Variants in CARS1 observed in about 807,000 individuals in gnomAD.
The protein encoded by CARS1 is cysteine--tRNA ligase, cytoplasmic.
Under a neutral mutation model 106.2 loss-of-function variants are expected in CARS1, and 48 were observed. The observed-to-expected ratio is 0.45, with a 90% confidence interval of 0.36 to 0.57. The LOEUF is 0.57. CARS1 is among the 20% of genes least tolerant of loss of function. The probability of loss-of-function intolerance (pLI) is 0.00; values close to 1 mark genes in which losing one functional copy is unlikely to be tolerated. For synonymous variants in CARS1, 409 were observed against 403.4 expected, an observed-to-expected ratio of 1.01 and a Z score of -0.17; for missense variants, 968 against 1,057.2, an observed-to-expected ratio of 0.92 and a Z score of 1.17.
At chr11:3,012,125 G>A (rs980559465) in intron 18 of CARS1, 70 bp downstream of exon 18, 1 of 1,378,520 alleles carries the variant, frequency 7.3e-7, no homozygotes, top group African/African-American at 1.4e-5. Flanking sequence ...GTGCCTCGGG[G>A]GAGACGCCCG....
rs948620744 is a variant in CARS1, at chr11:3,045,771, G to A, written c.274+1982C>T. 2.0e-5 allele frequency among the ~76,000 whole-genome samples: 3 copies of A among 152,226 alleles called. No homozygotes were observed. The highest frequency in any genetic ancestry group is 4.4e-5 in the Non-Finnish European group (3 of 68,026). On this transcript the variant is annotated intron_variant, in intron 2 of 22. Transcript: ENST00000380525. This position sits in a 1 kb window ranked among gnomAD's most constrained non-coding sequence, Gnocchi z 5.6. ...GAAGGTGCATGCTTGGGGAGTATGA[G>A]CCATGGAAAGAGAGGGCGTTCCCAC...
chr11:3,013,423 AT>A (rs1415194804), intron 17 of CARS1, among the ~76,000 whole-genome samples: 1 of 151,910 alleles, frequency 6.6e-6, no homozygotes, highest in Non-Finnish European at 1.5e-5. Context: ...AAGTGCTGGG[AT>A]TACAGGCGTG....
chr11:3,035,825 T>C (rs938984224), intron 7 of CARS1, among the ~76,000 whole-genome samples: 1 of 152,198 alleles, frequency 6.6e-6, no homozygotes, highest in Non-Finnish European at 1.5e-5. Context: ...AAGATAAAAG[T>C]GAGCCTAGAA....
chr11:3,002,208 AG>A, intron 21 of CARS1, 155 bp from the exon 22 acceptor site: 1 of 688,458 alleles, frequency 1.5e-6, no homozygotes, highest in Non-Finnish European at 2.6e-6. Flanking sequence ...GCCAAGGTGG[AG>A]GGAACATACA....
rs537187661 is a variant in CARS1, at chr11:3,037,895, G to A, written c.801+155C>T. On this transcript the variant is annotated intron_variant, in intron 7 of 22. Coordinates refer to ENST00000380525, the MANE Select transcript of CARS1 (RefSeq NM_001014437.3). The surrounding 1 kb of genome is among the most constrained non-coding windows in gnomAD (Gnocchi z 5.9). ...GGGGAGGGGCACTGACTCAGCCACC[G>A]CAGAACAGGGCCGCCTGCCACAGTG... Among the ~76,000 whole-genome samples the A allele has an allele frequency of 4.6e-5, 7 of 152,184 alleles. No homozygotes were observed. The highest frequency in any genetic ancestry group is 1.4e-4 in the African/African-American group (6 of 41,452).
At position 3,039,083 on chromosome 11, in the gene CARS1, C is replaced by G; in HGVS notation, c.651+111G>C. The G allele has an allele frequency of 2.8e-6, 2 of 702,878 alleles. No individual in the cohort carries two copies. The highest frequency in any genetic ancestry group is 4.9e-6 in the Non-Finnish European group (2 of 406,650). The allele number at this position is 702,878 out of a possible 1,614,324, so 43.5% of individuals were successfully genotyped here. On this transcript the variant is annotated intron_variant, in intron 6 of 22. Transcript: ENST00000380525. The surrounding 1 kb of genome is among the most constrained non-coding windows in gnomAD (Gnocchi z 5.6). ...TGACGGAACTGGCTTGAGTAACATA[C>G]ACTTTGTGAAAGCCTGTGAGACTGA...
At position 3,039,857 on chromosome 11, in the gene CARS1, T is replaced by C. The variant is rs762806823; in HGVS notation, c.530A>G (p.Asn177Ser). 1.9e-6 allele frequency: 3 copies of C among 1,565,138 alleles called. No individual in the cohort carries two copies. Among genetic ancestry groups the C allele is most frequent in the Non-Finnish European group, 2.6e-6 (3 of 1,146,252 alleles). The change falls in exon 5 of 23, where the codon AAC becomes AGC. Residue 177 changes from asparagine (N) to serine (S), a missense_variant. Asn to Ser is a conservative substitution (Grantham distance 46). Coordinates refer to ENST00000380525, the MANE Select transcript of CARS1 (RefSeq NM_001014437.3). This position sits in a 1 kb window ranked among gnomAD's most constrained non-coding sequence, Gnocchi z 5.6. ...YFKFDVFYCM[N>S]ITDIDDKIIK... ...TACCTTGTCATCAATATCCGTAATG[T>C]TCATGCAATAAAAGACATCAAATTT...
chr11:3,042,411 A>C, intron 2 of CARS1, 155 bp from the exon 3 acceptor site: 1 of 584,300 alleles, frequency 1.7e-6, no homozygotes, highest in Non-Finnish European at 3.0e-6. Flanking sequence ...AACATTACGC[A>C]GGTCAAAGAC....
chr11:3,033,653 GA>G, intron 7 of CARS1, among the ~76,000 whole-genome samples: 1 of 151,998 alleles, frequency 6.6e-6, no homozygotes, highest in East Asian at 1.9e-4. Flanking sequence ...ATGAGACAAA[GA>G]AAAACAGAAT....
At chr11:3,054,559 A>G (rs1165146104) in intron 1 of CARS1, among the ~76,000 whole-genome samples, 4 of 152,242 alleles carry the variant, frequency 2.6e-5, no homozygotes, top group Non-Finnish European at 4.4e-5. Flanking sequence ...GTGAGTCTGA[A>G]GAGAATCATC....
chr11:3,041,130 C>A lies in CARS1; in HGVS notation c.367-146G>T. 7.3e-7 allele frequency: 1 copy of A among 1,379,064 alleles called. No homozygotes were observed. Among genetic ancestry groups the A allele is most frequent in the Non-Finnish European group, 9.9e-7 (1 of 1,008,526 alleles). The allele number at this position is 1,379,064 out of a possible 1,614,324, so 85.4% of individuals were successfully genotyped here. On this transcript the variant is annotated intron_variant, in intron 3 of 22. Transcript: ENST00000380525. The surrounding 1 kb of genome is among the most constrained non-coding windows in gnomAD (Gnocchi z 4.9). ...ACCATTTTGTTTTACTGTGAAAAGTCACAGTCTCAGTGGGAGCCCAGTGAG... is the reference window on the plus strand; with the variant it reads ...ACCATTTTGTTTTACTGTGAAAAGTAACAGTCTCAGTGGGAGCCCAGTGAG...
chr11:3,026,092 AG>A (rs1472117909), intron 10 of CARS1, among the ~76,000 whole-genome samples: 2 of 152,256 alleles, frequency 1.3e-5, no homozygotes, highest in African/African-American at 4.8e-5. Context: ...AACCAGGCAG[AG>A]AAAGACAAAT....
Position 3,044,796 on chromosome 11 carries a change from TGA to T in CARS1, c.275-2542_275-2541del, listed in dbSNP as rs1844306187. 6.6e-6 allele frequency among the ~76,000 whole-genome samples: 1 copy of T among 152,068 alleles called. No individual in the cohort carries two copies. Among genetic ancestry groups the T allele is most frequent in the South Asian group, 2.1e-4 (1 of 4,826 alleles). ...CAACAGACCAACTATGAACCGCTCA[TGA>T]GAGACATGGCTTTGAAACAGGGATG... On this transcript the variant is annotated intron_variant, in intron 2 of 22. Coordinates refer to ENST00000380525, the MANE Select transcript of CARS1 (RefSeq NM_001014437.3). This position sits in a 1 kb window ranked among gnomAD's most constrained non-coding sequence, Gnocchi z 4.4.
At position 3,026,675 on chromosome 11, in the gene CARS1, C is replaced by G; in HGVS notation, c.1153+1G>C. 2 of 1,613,730 alleles carry G rather than the reference C, an allele frequency of 1.2e-6. No individual in the cohort carries two copies. The highest frequency in any genetic ancestry group is 1.7e-6 in the Non-Finnish European group (2 of 1,179,888). On this transcript the variant is annotated splice_donor_variant, in intron 10 of 22. Transcript: ENST00000380525. LOFTEE classifies it high-confidence loss of function. ...CATGCTCTCAGGCATGCCCTCCTCA[C>G]CTTCCCCTTCTTGAAGGGCTTTCTG...
intron 18 of CARS1, among the ~76,000 whole-genome samples, chr11:3,009,866 T>A (rs1373983517): frequency 1.3e-5 from 2 of 152,208 alleles, no homozygotes; most frequent in African/African-American, 4.8e-5. Flanking sequence ...AGCCATGAGA[T>A]GTTAACAGTG....
intron 17 of CARS1, among the ~76,000 whole-genome samples, chr11:3,014,263 G>A (rs1850773757): frequency 6.6e-6 from 1 of 152,226 alleles, no homozygotes; most frequent in African/African-American, 2.4e-5. Context: ...ATGCTAGCAG[G>A]TGGCTGTGTG....
rs1360168720 is a variant in CARS1 at position 3,045,365 on chromosome 11, G to A, written c.274+2388C>T. On this transcript the variant is annotated intron_variant, in intron 2 of 22. Coordinates refer to ENST00000380525, the MANE Select transcript of CARS1 (RefSeq NM_001014437.3). This position sits in a 1 kb window ranked among gnomAD's most constrained non-coding sequence, Gnocchi z 5.6. Reference sequence around the variant, plus strand: ...CTGCAAGCTCCGCCTCCCAGGTTCAGGCCATTCTCCTGCCTCAGCCTCCCG... The same window carrying A: ...CTGCAAGCTCCGCCTCCCAGGTTCAAGCCATTCTCCTGCCTCAGCCTCCCG... Among the ~76,000 whole-genome samples the A allele has an allele frequency of 6.6e-6, 1 of 152,066 alleles. No homozygotes were observed. Among genetic ancestry groups the A allele is most frequent in the South Asian group, 2.1e-4 (1 of 4,826 alleles).
At position 3,039,166 on chromosome 11, in the gene CARS1, T is replaced by C. The variant is rs1854080543; in HGVS notation, c.651+28A>G. The stretch of plus-strand genomic sequence containing the variant: ...CGAGAACAGAAAGCAAAGGGCTCGG[T>C]TTCTAGAGCAGACAGCAAGAGGCCC... On this transcript the variant is annotated intron_variant, in intron 6 of 22. Coordinates refer to ENST00000380525, the MANE Select transcript of CARS1 (RefSeq NM_001014437.3). This position sits in a 1 kb window ranked among gnomAD's most constrained non-coding sequence, Gnocchi z 5.6. The C allele has an allele frequency of 1.4e-6, 2 of 1,466,190 alleles. No individual in the cohort carries two copies. The highest frequency in any genetic ancestry group is 1.9e-6 in the Non-Finnish European group (2 of 1,047,012). The allele number at this position is 1,466,190 out of a possible 1,614,324, so 90.8% of individuals were successfully genotyped here. A position where few individuals can be genotyped will look rare whatever the true frequency, so the allele number is the denominator to read the frequency against.
Position 3,039,407 on chromosome 11 carries a change from C to T in CARS1, c.553-115G>A. On this transcript the variant is annotated intron_variant, in intron 5 of 22. Coordinates refer to ENST00000380525, the MANE Select transcript of CARS1 (RefSeq NM_001014437.3). The surrounding 1 kb of genome is among the most constrained non-coding windows in gnomAD (Gnocchi z 5.6). ...AAGTGAGGGTGAGGGTGGTGGGAGA[C>T]AACTGTGGGCCCCGGACGTGCACAC... 1.5e-6 allele frequency: 1 copy of T among 672,070 alleles called. No individual in the cohort carries two copies. Among genetic ancestry groups the T allele is most frequent in the Non-Finnish European group, 2.7e-6 (1 of 373,106 alleles). The allele number at this position is 672,070 out of a possible 1,614,324, so 41.6% of individuals were successfully genotyped here. A position where few individuals can be genotyped will look rare whatever the true frequency, so the allele number is the denominator to read the frequency against.
Sources: gnomAD v4.1 joint callset for allele counts (sites outside exome capture counted in the v4.1 genomes callset) on GRCh38, gnomAD v4.1.1 for gene constraint, Gnocchi (gnomAD v3.1) non-coding constraint, MANE v1.5 for transcripts, NCBI Gene and HGNC (gene_info 2026-07-23, HGNC 2026-07-21) for gene names.